Variants in ABCD2 observed in about 807,000 individuals in gnomAD.
ABCD2 encodes ATP-binding cassette sub-family D member 2.
In ABCD2, 36 loss-of-function variants were observed where a neutral mutation model predicts 70.9. The ratio of observed to expected loss-of-function variants is 0.51; its 90% CI spans 0.39 to 0.67. The LOEUF (loss-of-function observed/expected upper bound fraction) is 0.67, where lower values mean the gene tolerates loss of function less well. Ranked by LOEUF, ABCD2 falls within the 30% of genes least tolerant of loss-of-function variation. The pLI, the probability that ABCD2 is intolerant of heterozygous loss-of-function variation, is 0.00. For synonymous variants in ABCD2, 304 were observed against 306.9 expected (o/e 0.99, Z 0.10); for missense variants, 729 against 890.2 (o/e 0.82, Z 2.30).
intron 9 of ABCD2, 31 bp from the exon 10 acceptor site, chr12:39,554,162 G>A (rs201341629): frequency 6.4e-7 from 1 of 1,563,434 alleles, no homozygotes; most frequent in Non-Finnish European, 8.7e-7. Flanking sequence ...AATATTATTA[G>A]CCATAATGTT....
chr12:39,578,384 G>C (rs1214675811), intron 8 of ABCD2, among the ~76,000 whole-genome samples: 1 of 149,738 alleles, frequency 6.7e-6, no homozygotes, highest in African/African-American at 2.5e-5. Context: ...TGAGGCAGGA[G>C]AATGACGTGA....
chr12:39,533,112 C>T, the ABCD2 span, among the ~76,000 whole-genome samples: 1 of 151,980 alleles, frequency 6.6e-6, no homozygotes, highest in Non-Finnish European at 1.5e-5. Flanking sequence ...TTGCAGTGAG[C>T]CGAGATCGTG....
At chr12:39,536,381 C>T in the ABCD2 span, among the ~76,000 whole-genome samples, 4 of 152,200 alleles carry the variant, frequency 2.6e-5, no homozygotes, top group Non-Finnish European at 4.4e-5. Flanking sequence ...AGTAGAGGGG[C>T]CTGAGCAGCC....
Position 39,601,013 on chromosome 12 carries a change from G to A in ABCD2, c.1501-297C>T, listed in dbSNP as rs368683135. ...CACATACACATAGAGAAAAACAGCT[G>A]CCTGGGAAATAAGACAAATCATAAA... On this transcript the variant is annotated intron_variant, in intron 5 of 9. Coordinates refer to ENST00000308666, the MANE Select transcript of ABCD2 (RefSeq NM_005164.4). Among the ~76,000 whole-genome samples, 55 of 152,118 alleles carry A rather than the reference G, an allele frequency of 3.6e-4. No individual in the cohort carries two copies. In the South Asian group the frequency reaches 0.011, roughly 30 times the overall value.
chr12:39,540,684 C>T, the ABCD2 span, among the ~76,000 whole-genome samples: 1 of 152,196 alleles, frequency 6.6e-6, no homozygotes, highest in Non-Finnish European at 1.5e-5. Flanking sequence ...TTGGTCTCCA[C>T]AATCTTTTGT....
At chr12:39,543,688 G>A in the ABCD2 span, among the ~76,000 whole-genome samples, 2 of 152,320 alleles carry the variant, frequency 1.3e-5, no homozygotes, top group East Asian at 3.9e-4. Context: ...CATGCCATCT[G>A]ACGTTTGGAA....
At chr12:39,591,616 G>A (rs943462141) in intron 6 of ABCD2, among the ~76,000 whole-genome samples, 2 of 152,130 alleles carry the variant, frequency 1.3e-5, no homozygotes, top group African/African-American at 2.4e-5. Flanking sequence ...GGAGGCTGAG[G>A]CACAAGAATC....
At chr12:39,604,536 T>A (rs1198155366) in intron 4 of ABCD2, among the ~76,000 whole-genome samples, 2 of 152,010 alleles carry the variant, frequency 1.3e-5, no homozygotes, top group Non-Finnish European at 2.9e-5. Context: ...CCAAAAATAA[T>A]TTGGAAAATT....
At chr12:39,608,830 C>T (rs141530386) in intron 2 of ABCD2, among the ~76,000 whole-genome samples, 145 of 152,094 alleles carry the variant, frequency 9.5e-4, no homozygotes, top group African/African-American at 3.3e-3. Flanking sequence ...AATAGAAATG[C>T]AAATTAGCTG....
intron 9 of ABCD2, among the ~76,000 whole-genome samples, chr12:39,556,534 C>T (rs941193797): frequency 4.6e-5 from 7 of 152,180 alleles, no homozygotes; most frequent in Admixed American, 4.6e-4. Context: ...TTGCCTTCCA[C>T]CATGATTGTA....
chr12:39,608,988 G>T (rs1309356177), intron 2 of ABCD2, among the ~76,000 whole-genome samples: 1 of 152,024 alleles, frequency 6.6e-6, no homozygotes, highest in Non-Finnish European at 1.5e-5. Flanking sequence ...TTTCTTTCTT[G>T]CTTAACTTTT....
At chr12:39,579,928 G>C (rs1402554148) in intron 7 of ABCD2, among the ~76,000 whole-genome samples, 1 of 152,058 alleles carries the variant, frequency 6.6e-6, no homozygotes, top group Non-Finnish European at 1.5e-5. Flanking sequence ...TACTTATCTT[G>C]GAGGGAGATG....
the ABCD2 span, among the ~76,000 whole-genome samples, chr12:39,533,274 T>G: frequency 6.6e-6 from 1 of 152,222 alleles, no homozygotes; most frequent in Non-Finnish European, 1.5e-5. Flanking sequence ...TTATGAGTGC[T>G]TTCCTTATAC....
chr12:39,567,404 T>C (rs1400758458), intron 9 of ABCD2, among the ~76,000 whole-genome samples: 1 of 152,342 alleles, frequency 6.6e-6, no homozygotes, highest in East Asian at 1.9e-4. Context: ...TTTGTCTCTT[T>C]TGATCTTTGT....
At chr12:39,548,487 A>G (rs1225969621), downstream of ABCD2, among the ~76,000 whole-genome samples, 2 of 151,892 alleles carry the variant, frequency 1.3e-5, no homozygotes, top group East Asian at 1.9e-4. Context: ...GACTTTGACA[A>G]TTGCTTCATC....
At chr12:39,596,712 A>G (rs1941820690) in intron 6 of ABCD2, among the ~76,000 whole-genome samples, 1 of 152,160 alleles carries the variant, frequency 6.6e-6, no homozygotes, top group South Asian at 2.1e-4. Flanking sequence ...TAGTAAGAAA[A>G]TTACGATTAA....
At chr12:39,541,530 G>A in the ABCD2 span, among the ~76,000 whole-genome samples, 12 of 152,314 alleles carry the variant, frequency 7.9e-5, no homozygotes, top group South Asian at 2.5e-3. Flanking sequence ...TTATGTAGGG[G>A]CTTATGGACA....
intron 5 of ABCD2, 66 bp from the exon 6 acceptor site, chr12:39,600,782 A>G: frequency 7.1e-7 from 1 of 1,402,270 alleles, no homozygotes; most frequent in Non-Finnish European, 9.8e-7. Flanking sequence ...AGCACCTAAA[A>G]GTAAATTATT....
At chr12:39,564,313 C>T (rs572554419) in intron 9 of ABCD2, among the ~76,000 whole-genome samples, 2 of 152,230 alleles carry the variant, frequency 1.3e-5, no homozygotes, top group Admixed American at 6.5e-5. Flanking sequence ...TTTTAATAAT[C>T]GCCATTCTAA....
Sources: gnomAD v4.1 joint callset for allele counts (sites outside exome capture counted in the v4.1 genomes callset) on GRCh38, gnomAD v4.1.1 for gene constraint, MANE v1.5 for transcripts, NCBI Gene and HGNC (gene_info 2026-07-23, HGNC 2026-07-21) for gene names.